The following NOS1 variants were observed in gnomAD, a reference collection of about 807,000 sequenced individuals.
NOS1 encodes the protein NOS type I.
Under a neutral mutation model 164.5 loss-of-function variants are expected in NOS1, and 51 were observed. The observed-to-expected ratio is 0.31, with a 90% CI of 0.25 to 0.39. The LOEUF is 0.39. NOS1 is among the 10% of genes least tolerant of loss of function. NOS1 has a pLI of 1.00. For synonymous variants in NOS1, 719 were observed against 745.8 expected (o/e 0.96, Z 0.59); for missense variants, 1,362 against 1,885.6 (o/e 0.72, Z 5.14).
rs553987509 is a variant in NOS1 at position 117,309,371 on chromosome 12, G to T, written c.852+2095C>A. 4.2e-5 allele frequency: 41 copies of T among 985,426 alleles called. 1 individual carries two copies. In the South Asian group the frequency reaches 1.4e-3, roughly 33 times the overall value. The allele number at this position is 985,426 out of a possible 1,614,324, so 61.0% of individuals were successfully genotyped here. ...GGCCAGCCATCAGCGGCTAAGGAAA[G>T]CAGTTACCACCAAGGCTCTAGAATG... On this transcript the variant is annotated intron_variant, in intron 3 of 28. Coordinates refer to ENST00000317775, the MANE Select transcript of NOS1 (RefSeq NM_000620.5).
chr12:117,299,972 G>C (rs1007610722), intron 3 of NOS1, among the ~76,000 whole-genome samples: 3 of 151,972 alleles, frequency 2.0e-5, no homozygotes, highest in Non-Finnish European at 2.9e-5. Context: ...TTATCTCGTG[G>C]CCTGCCCTAT....
chr12:117,335,296 C>A (rs1039743121), intron 1 of NOS1, among the ~76,000 whole-genome samples: 1 of 152,146 alleles, frequency 6.6e-6, no homozygotes, highest in East Asian at 1.9e-4. Flanking sequence ...GGGGCACCGT[C>A]TAGGGAGAGA....
At chr12:117,341,813 C>G (rs1876126115) in intron 1 of NOS1, among the ~76,000 whole-genome samples, 1 of 152,100 alleles carries the variant, frequency 6.6e-6, no homozygotes, top group African/African-American at 2.4e-5. Flanking sequence ...CTGGTTTCTG[C>G]CTTAAAGATG....
chr12:117,278,719 CT>C (rs1042745679), intron 8 of NOS1, among the ~76,000 whole-genome samples: 7 of 150,512 alleles, frequency 4.7e-5, no homozygotes, highest in Non-Finnish European at 1.0e-4. Flanking sequence ...TTGATTTTAT[CT>C]TTTTTTTGCT....
At position 117,213,352 on chromosome 12, in the gene NOS1, G is replaced by T; in HGVS notation, c.*1957C>A. On this transcript the variant is annotated 3_prime_UTR_variant, in exon 29 of 29. Coordinates refer to ENST00000317775, the MANE Select transcript of NOS1 (RefSeq NM_000620.5). ...GAGTTTAGAATGGGCTTCCCTTCAG[G>T]ATTAGAAGGGGTGAGTGTGGGATGC... 1.0e-6 allele frequency: 1 copy of T among 985,454 alleles called. No individual in the cohort carries two copies. The highest frequency in any genetic ancestry group is 1.1e-4 in the East Asian group (1 of 8,818). 61.0% of individuals were successfully genotyped at this position (985,454 alleles called of 1,614,324 possible).
At chr12:117,357,182 G>T (rs1275344167) in intron 1 of NOS1, among the ~76,000 whole-genome samples, 1 of 152,198 alleles carries the variant, frequency 6.6e-6, no homozygotes, top group Non-Finnish European at 1.5e-5. Context: ...AATTAGCCTG[G>T]TGTGGTGGCA....
chr12:117,304,097 G>A (rs901054190), intron 3 of NOS1, among the ~76,000 whole-genome samples: 1 of 152,090 alleles, frequency 6.6e-6, no homozygotes, highest in African/African-American at 2.4e-5. Context: ...GCGTGAACCT[G>A]GGAGGTGGAG....
At chr12:117,273,731 C>T (rs1047321719) in intron 9 of NOS1, among the ~76,000 whole-genome samples, 6 of 152,092 alleles carry the variant, frequency 3.9e-5, no homozygotes, top group Non-Finnish European at 7.4e-5. Flanking sequence ...TAGGATTCCA[C>T]CCTACACTTG....
chr12:117,251,665 A>G (rs2135966276), intron 17 of NOS1, among the ~76,000 whole-genome samples: 1 of 150,942 alleles, frequency 6.6e-6, no homozygotes, highest in South Asian at 2.1e-4. Flanking sequence ...TCCAGGGCTT[A>G]AGTGATCCTC....
intron 2 of NOS1, among the ~76,000 whole-genome samples, chr12:117,321,103 G>T (rs758014146): frequency 2.0e-5 from 3 of 152,156 alleles, no homozygotes; most frequent in Non-Finnish European, 2.9e-5. Flanking sequence ...TCTGCCTCCC[G>T]AGTTCAAGCG....
intron 3 of NOS1, among the ~76,000 whole-genome samples, chr12:117,303,563 A>T (rs1873963157): frequency 1.3e-5 from 2 of 152,130 alleles, no homozygotes; most frequent in African/African-American, 2.4e-5. Flanking sequence ...GATGGAAAAG[A>T]GGAGAGAACC....
chr12:117,258,385 T>A lies in NOS1; in HGVS notation c.2531+12A>T. Reference sequence around the variant, plus strand: ...GGGGTGGCGGGTGACGTCGGAGGGGTCATTCACTTACTTCCTTTCTTCCTG... The same window carrying A: ...GGGGTGGCGGGTGACGTCGGAGGGGACATTCACTTACTTCCTTTCTTCCTG... On this transcript the variant is annotated intron_variant, in intron 16 of 28. Transcript: ENST00000317775. 6.2e-7 allele frequency: 1 copy of A among 1,613,372 alleles called. No homozygotes were observed. The highest frequency in any genetic ancestry group is 1.3e-5 in the African/African-American group (1 of 74,900).
intron 24 of NOS1, among the ~76,000 whole-genome samples, chr12:117,225,621 C>T (rs1480944159): frequency 6.6e-6 from 1 of 151,904 alleles, no homozygotes; most frequent in African/African-American, 2.4e-5. Context: ...TGAGAGCCAC[C>T]ATTTTTTTTT....
rs144306671 is a variant in NOS1, at chr12:117,300,069, T to A, written c.853-9643A>T. Among the ~76,000 whole-genome samples the A allele has an allele frequency of 3.1e-3, 476 of 152,314 alleles. 3 individuals carry two copies. Among genetic ancestry groups the A allele is most frequent in the African/African-American group, 0.01 (432 of 41,558 alleles). On this transcript the variant is annotated intron_variant, in intron 3 of 28. Coordinates refer to ENST00000317775, the MANE Select transcript of NOS1 (RefSeq NM_000620.5). ...AAATGCACAACAAGTTTCATGTTTA[T>A]GTTTTGGCCCTTGTATCTTAGAAAA... is the stretch of plus-strand genomic sequence containing the variant.
At position 117,209,651 on chromosome 12, in the gene NOS1, G is replaced by T; in HGVS notation, c.*5658C>A. 5.1e-6 allele frequency: 5 copies of T among 985,464 alleles called. No homozygotes were observed. The highest frequency in any genetic ancestry group is 6.0e-6 in the Non-Finnish European group (5 of 829,948). The allele number at this position is 985,464 out of a possible 1,614,324, so 61.0% of individuals were successfully genotyped here. On this transcript the variant is annotated 3_prime_UTR_variant, in exon 29 of 29. Transcript: ENST00000317775. The stretch of plus-strand genomic sequence containing the variant: ...AACATACTAAGGCATATTGACAGCT[G>T]ACCACCTCCCTCGCACATGGCTTTG...
At chr12:117,259,405 T>C (rs2135977825) in intron 14 of NOS1, among the ~76,000 whole-genome samples, 1 of 152,238 alleles carries the variant, frequency 6.6e-6, no homozygotes, top group East Asian at 1.9e-4. Context: ...TCTGAAGCAA[T>C]GGTTCAAGGG....
At chr12:117,308,913 A>G (rs945642244) in intron 3 of NOS1, among the ~76,000 whole-genome samples, 8 of 152,180 alleles carry the variant, frequency 5.3e-5, no homozygotes, top group Non-Finnish European at 1.2e-4. Flanking sequence ...TGTAAATTTT[A>G]AAGAGAAGCT....
chr12:117,238,872 A>G (rs1192592448), intron 20 of NOS1, among the ~76,000 whole-genome samples: 1 of 152,202 alleles, frequency 6.6e-6, no homozygotes, highest in Non-Finnish European at 1.5e-5. Flanking sequence ...TACATAAAAT[A>G]AAGGAAAGAA....
At chr12:117,294,461 G>A (rs1037237519) in intron 3 of NOS1, among the ~76,000 whole-genome samples, 4 of 152,144 alleles carry the variant, frequency 2.6e-5, no homozygotes, top group South Asian at 4.1e-4. Context: ...GCCACCCTCC[G>A]CCCTGGGTTT....
Sources: gnomAD v4.1 joint callset for allele counts (sites outside exome capture counted in the v4.1 genomes callset) on GRCh38, gnomAD v4.1.1 for gene constraint, MANE v1.5 for transcripts, NCBI Gene and HGNC (gene_info 2026-07-23, HGNC 2026-07-21) for gene names.